FIRRM: variants seen among roughly 807,000 people sequenced by gnomAD.
The protein encoded by FIRRM is FIGNL1-interacting regulator of recombination and mitosis.
the FIRRM span, chr1:169,832,359 T>G: frequency 8.2e-7 from 1 of 1,226,350 alleles, no homozygotes; most frequent in Non-Finnish European, 1.2e-6. Context: ...TCTCTTCTTG[T>G]AAAAATTCTG....
the FIRRM span, among the ~76,000 whole-genome samples, chr1:169,810,834 A>ATTTTTTTTTTTTTTTTTTTT: frequency 2.6e-4 from 16 of 61,208 alleles, 3 homozygotes; most frequent in African/African-American, 4.8e-4. Context: ...TTAGCCCCCA[A>ATTTTTTTTTTTTTTTTTTTT]TTTTTTTTTT....
the FIRRM span, among the ~76,000 whole-genome samples, chr1:169,797,311 G>GTT: frequency 2.0e-5 from 3 of 152,040 alleles, no homozygotes; most frequent in Non-Finnish European, 4.4e-5. Flanking sequence ...TCTTTTTCAT[G>GTT]TTTTGCATTT....
the FIRRM span, among the ~76,000 whole-genome samples, chr1:169,823,087 A>C: frequency 6.6e-6 from 1 of 151,818 alleles, no homozygotes; most frequent in African/African-American, 2.4e-5. Flanking sequence ...CCCCTCCTCT[A>C]CTAACAATAC....
the FIRRM span, chr1:169,804,142 A>G: frequency 6.3e-7 from 1 of 1,587,712 alleles, no homozygotes; most frequent in Admixed American, 1.8e-5. Flanking sequence ...CTTTTCAAGG[A>G]GGCCTATTCT....
chr1:169,796,114 C>T, the FIRRM span: 1 of 358,638 alleles, frequency 2.8e-6, no homozygotes, highest in Non-Finnish European at 3.9e-6. Context: ...AGCTAAAGCC[C>T]TATGTAATCA....
At chr1:169,850,073 C>G in the FIRRM span, 1 of 577,222 alleles carries the variant, frequency 1.7e-6, no homozygotes, top group South Asian at 2.2e-5. Context: ...AAGCTTACAA[C>G]ACTTGTACAG....
the FIRRM span, chr1:169,800,844 A>G: frequency 2.9e-5 from 31 of 1,056,704 alleles, no homozygotes; most frequent in East Asian, 6.3e-4. Flanking sequence ...GTTGACTGAC[A>G]TGACAATATT....
At chr1:169,847,937 A>G in the FIRRM span, 1 of 550,484 alleles carries the variant, frequency 1.8e-6, no homozygotes, top group East Asian at 2.9e-5. Flanking sequence ...TATGTTCCAG[A>G]CAGATTATAA....
chr1:169,794,408 C>A, the FIRRM span, among the ~76,000 whole-genome samples: 18 of 152,112 alleles, frequency 1.2e-4, no homozygotes, highest in Admixed American at 7.2e-4. Context: ...AGAACAGCAG[C>A]CCTAAGTGTA....
the FIRRM span, among the ~76,000 whole-genome samples, chr1:169,848,034 G>C: frequency 6.6e-6 from 1 of 152,024 alleles, no homozygotes; most frequent in Non-Finnish European, 1.5e-5. Context: ...TTAGTTGGCT[G>C]TAGTCTACCA....
chr1:169,851,900 T>G, the FIRRM span: 3 of 1,614,086 alleles, frequency 1.9e-6, no homozygotes, highest in South Asian at 3.3e-5. Flanking sequence ...CCTTTGCTAA[T>G]GTGACTGTAG....
chr1:169,792,652 C>A, the FIRRM span: 3 of 1,610,610 alleles, frequency 1.9e-6, no homozygotes, highest in South Asian at 2.2e-5. Context: ...GTATTCTGGT[C>A]TTAAAAACAT....
At chr1:169,808,800 T>C in the FIRRM span, among the ~76,000 whole-genome samples, 1 of 152,182 alleles carries the variant, frequency 6.6e-6, no homozygotes, top group African/African-American at 2.4e-5. Context: ...GGTTTCGCCA[T>C]GTTGGCCAGG....
chr1:169,808,954 A>G, the FIRRM span, among the ~76,000 whole-genome samples: 1 of 152,128 alleles, frequency 6.6e-6, no homozygotes, highest in Admixed American at 6.5e-5. Context: ...TTGAATAGCA[A>G]TGACATAGCC....
chr1:169,785,318 T>A, the FIRRM span, among the ~76,000 whole-genome samples: 1 of 152,244 alleles, frequency 6.6e-6, no homozygotes. Context: ...GGGCATGTGT[T>A]ACAGTGCACT....
chr1:169,802,813 TTATGTA>T, the FIRRM span: 1 of 720,408 alleles, frequency 1.4e-6, no homozygotes, highest in Non-Finnish European at 2.4e-6. Context: ...CTATGTATTC[TTATGTA>T]ATGGCCTAAT....
the FIRRM span, among the ~76,000 whole-genome samples, chr1:169,790,270 T>A: frequency 1.3e-5 from 2 of 152,126 alleles, no homozygotes; most frequent in Admixed American, 6.5e-5. Context: ...CTCCGCCTCC[T>A]GGGTTCAAGT....
At chr1:169,846,960 A>G in the FIRRM span, among the ~76,000 whole-genome samples, 1 of 152,104 alleles carries the variant, frequency 6.6e-6, no homozygotes, top group Non-Finnish European at 1.5e-5. Context: ...ATGAGATTAT[A>G]CTTTTCACTC....
the FIRRM span, among the ~76,000 whole-genome samples, chr1:169,816,214 G>A: frequency 6.6e-6 from 1 of 152,032 alleles, no homozygotes; most frequent in Non-Finnish European, 1.5e-5. Flanking sequence ...CTGGGCAACT[G>A]TTGGAAACCA....
Sources: allele counts gnomAD v4.1 joint callset (sites outside exome capture counted in the v4.1 genomes callset), GRCh38; gene constraint gnomAD v4.1.1; transcripts MANE v1.5; gene names NCBI Gene and HGNC (gene_info 2026-07-23, HGNC 2026-07-21).